Variants in PARD3B observed in about 807,000 individuals in gnomAD.
PARD3B encodes the protein par-3 family cell polarity regulator beta.
In PARD3B, 103 loss-of-function variants were observed where a neutral mutation model predicts 130.2. The ratio of observed to expected loss-of-function variants is 0.79; its 90% CI spans 0.67 to 0.93. The LOEUF (loss-of-function observed/expected upper bound fraction) is 0.93, where lower values mean the gene tolerates loss of function less well. Among genes scored for constraint, PARD3B ranks in the 40% least tolerant of loss-of-function variants. The pLI is 0.00. For synonymous variants in PARD3B, 583 were observed against 553.2 expected (o/e 1.05, Z -0.76); for missense variants, 1,609 against 1,499.2 (o/e 1.07, Z -1.21).
intron 9 of PARD3B, among the ~76,000 whole-genome samples, 199 bp downstream of exon 9, chr2:205,124,665 A>G (rs1575861931): frequency 1.3e-5 from 2 of 152,192 alleles, no homozygotes; most frequent in South Asian, 2.1e-4. Flanking sequence ...TAAATCCCCA[A>G]TAAGGTCAGT....
chr2:205,238,912 A>T (rs1438440246), intron 15 of PARD3B, among the ~76,000 whole-genome samples: 2 of 115,160 alleles, frequency 1.7e-5, no homozygotes, highest in Middle Eastern at 4.8e-3. Context: ...ATATATATGT[A>T]TGTGTATATA....
intron 1 of PARD3B, among the ~76,000 whole-genome samples, chr2:204,588,767 C>G (rs765044573): frequency 6.6e-6 from 1 of 152,124 alleles, no homozygotes; most frequent in African/African-American, 2.4e-5. Flanking sequence ...CTGCAGAAAT[C>G]TTTTTATTAG....
rs1212479203 is a variant in PARD3B at position 204,648,683 on chromosome 2, T to C, written c.121-37498T>C. Among the ~76,000 whole-genome samples the C allele has an allele frequency of 5.0e-5, 5 of 99,520 alleles. 1 individual carries two copies. In the South Asian group the frequency reaches 1.1e-3, roughly 22 times the overall value. 65.3% of individuals were successfully genotyped at this position (99,520 alleles called of 152,430 possible). A position where few individuals can be genotyped will look rare whatever the true frequency, so the allele number is the denominator to read the frequency against. On this transcript the variant is annotated intron_variant, in intron 1 of 22. Transcript: ENST00000406610. ...TTTATAATATATATCATATAAATAA[T>C]ATATATTTATAATATATATCATATA...
intron 2 of PARD3B, among the ~76,000 whole-genome samples, chr2:204,735,874 C>G (rs565826141): frequency 1.3e-5 from 2 of 152,252 alleles, no homozygotes; most frequent in South Asian, 4.1e-4. Flanking sequence ...GCAACAATAA[C>G]AGAATATAAA....
chr2:205,554,352 A>G (rs7355229), intron 22 of PARD3B, among the ~76,000 whole-genome samples: 142,612 of 152,162 alleles, frequency 0.94, 67,478 homozygotes, highest in East Asian at 1. Flanking sequence ...TTTACAAAAC[A>G]AACACCCTGA....
chr2:205,359,436 G>GT (rs1333255103), intron 18 of PARD3B, among the ~76,000 whole-genome samples: 1 of 152,066 alleles, frequency 6.6e-6, no homozygotes, highest in East Asian at 1.9e-4. Flanking sequence ...TTTCCTTTTT[G>GT]TTTCCTCTTT....
At chr2:204,956,344 A>G (rs1388099458) in intron 2 of PARD3B, among the ~76,000 whole-genome samples, 2 of 152,174 alleles carry the variant, frequency 1.3e-5, no homozygotes, top group African/African-American at 4.8e-5. Context: ...AATATTGAAT[A>G]TGGATGTTAC....
intron 2 of PARD3B, among the ~76,000 whole-genome samples, chr2:204,944,441 C>G (rs2125810127): frequency 6.6e-6 from 1 of 152,278 alleles, no homozygotes; most frequent in South Asian, 2.1e-4. Context: ...AAGCTGGTAG[C>G]TTCCCCTGGC....
chr2:205,100,142 A>G (rs1180945381), intron 4 of PARD3B, among the ~76,000 whole-genome samples: 1 of 152,150 alleles, frequency 6.6e-6, no homozygotes, highest in Non-Finnish European at 1.5e-5. Flanking sequence ...TCATTTTTTA[A>G]TCTTGCGTAA....
chr2:204,573,061 G>T (rs1201354694), intron 1 of PARD3B, among the ~76,000 whole-genome samples: 4 of 152,172 alleles, frequency 2.6e-5, no homozygotes, highest in Non-Finnish European at 5.9e-5. Context: ...CAACATAGGT[G>T]ACTGAGGACA....
intron 18 of PARD3B, among the ~76,000 whole-genome samples, chr2:205,391,573 G>A (rs115225137): frequency 0.018 from 2,805 of 152,268 alleles, 84 homozygotes; most frequent in African/African-American, 0.063. Context: ...CCCAGAAATC[G>A]TAAGCATTTC....
intron 21 of PARD3B, among the ~76,000 whole-genome samples, chr2:205,507,342 G>GTT (rs1324025793): frequency 6.7e-6 from 1 of 150,010 alleles, no homozygotes; most frequent in African/African-American, 2.5e-5. Context: ...AGCCTCCCAA[G>GTT]TAACTGGGAC....
intron 4 of PARD3B, 27 bp downstream of exon 4, chr2:205,047,717 A>G (rs752989616): frequency 1.7e-5 from 25 of 1,473,174 alleles, no homozygotes; most frequent in Non-Finnish European, 2.2e-5. Flanking sequence ...TTGTAGTTCT[A>G]ATGAAAGATC....
chr2:205,197,353 T>G (rs1247653301), intron 15 of PARD3B, among the ~76,000 whole-genome samples: 1 of 152,180 alleles, frequency 6.6e-6, no homozygotes, highest in Non-Finnish European at 1.5e-5. Flanking sequence ...CTTCGATTCT[T>G]TTTCAATGAC....
intron 4 of PARD3B, among the ~76,000 whole-genome samples, chr2:205,100,641 T>C (rs1702707399): frequency 6.6e-6 from 1 of 152,150 alleles, no homozygotes; most frequent in African/African-American, 2.4e-5. Flanking sequence ...TAGACAGGTA[T>C]AGATCAATGA....
chr2:205,186,534 T>A (rs1031695569), intron 14 of PARD3B, among the ~76,000 whole-genome samples: 1 of 152,312 alleles, frequency 6.6e-6, no homozygotes, highest in East Asian at 1.9e-4. Flanking sequence ...AAACTGTGTA[T>A]TTTATTCCAT....
chr2:205,194,939 A>G (rs1402996038), intron 15 of PARD3B, among the ~76,000 whole-genome samples: 1 of 141,930 alleles, frequency 7.0e-6, no homozygotes, highest in Non-Finnish European at 1.5e-5. Flanking sequence ...GTCTGCCACC[A>G]CGCCAGGCTA....
At chr2:205,228,066 A>C (rs2038652932) in intron 15 of PARD3B, among the ~76,000 whole-genome samples, 1 of 152,122 alleles carries the variant, frequency 6.6e-6, no homozygotes, top group Admixed American at 6.5e-5. Flanking sequence ...ATGTCTTAAA[A>C]AGTTGTTGTA....
chr2:204,881,098 A>C (rs2046027728), intron 2 of PARD3B, among the ~76,000 whole-genome samples: 2 of 152,212 alleles, frequency 1.3e-5, no homozygotes, highest in African/African-American at 4.8e-5. Context: ...CCTCATAGTT[A>C]AGTAGAGGCA....
Sources: gnomAD v4.1 joint callset for allele counts (sites outside exome capture counted in the v4.1 genomes callset) on GRCh38, gnomAD v4.1.1 for gene constraint, MANE v1.5 for transcripts, NCBI Gene and HGNC (gene_info 2026-07-23, HGNC 2026-07-21) for gene names.